The following VPS13B variants were observed in gnomAD, a reference collection of about 807,000 sequenced individuals.
The protein encoded by VPS13B is vacuolar protein sorting 13 homolog B.
In VPS13B, 285 loss-of-function variants were observed where a neutral mutation model predicts 426.4. That is an observed-to-expected ratio of 0.67 (90% confidence interval 0.61 to 0.74). The LOEUF (loss-of-function observed/expected upper bound fraction) is 0.74, where lower values mean the gene tolerates loss of function less well. VPS13B is among the 30% of genes least tolerant of loss of function. VPS13B has a pLI of 0.00. For synonymous variants in VPS13B, 1,676 were observed against 1,676.4 expected, an observed-to-expected ratio of 1.00 and a Z score of 0.01; for missense variants, 4,537 against 4,782.6, an observed-to-expected ratio of 0.95 and a Z score of 1.51.
At chr8:99,204,592 A>T (rs564362340) in intron 17 of VPS13B, among the ~76,000 whole-genome samples, 1 of 152,326 alleles carries the variant, frequency 6.6e-6, no homozygotes, top group South Asian at 2.1e-4. Context: ...ATGGGAGAAA[A>T]TTTTTGTAAT....
intron 19 of VPS13B, among the ~76,000 whole-genome samples, chr8:99,326,346 A>G (rs1810257365): frequency 1.3e-5 from 2 of 151,390 alleles, no homozygotes; most frequent in Admixed American, 1.3e-4. Context: ...AGCTTAAACA[A>G]TGTCCTCTTC....
chr8:99,442,881 CGT>C (rs746865630), intron 23 of VPS13B, among the ~76,000 whole-genome samples: 8 of 151,678 alleles, frequency 5.3e-5, no homozygotes, highest in Non-Finnish European at 1.2e-4. Context: ...AAAATGTAAA[CGT>C]AGGAAAAATT....
intron 39 of VPS13B, among the ~76,000 whole-genome samples, chr8:99,743,911 A>T (rs1302098642): frequency 6.6e-6 from 1 of 152,224 alleles, no homozygotes; most frequent in Non-Finnish European, 1.5e-5. Flanking sequence ...GGACATAGGC[A>T]TGGGCAAGGA....
intron 33 of VPS13B, among the ~76,000 whole-genome samples, chr8:99,588,000 A>G (rs1164179163): frequency 6.6e-6 from 1 of 151,692 alleles, no homozygotes; most frequent in Non-Finnish European, 1.5e-5. Flanking sequence ...ATTTTTGTAT[A>G]AGGTGTAAGG....
intron 39 of VPS13B, among the ~76,000 whole-genome samples, chr8:99,760,063 G>T (rs888541395): frequency 2.0e-5 from 3 of 151,466 alleles, no homozygotes; most frequent in African/African-American, 7.3e-5. Flanking sequence ...TTCAACCTCC[G>T]CCTCCCAGGT....
chr8:99,859,429 G>A lies in VPS13B; in HGVS notation c.10993G>A (p.Val3665Met), dbSNP rs151089043. 1.2e-5 allele frequency: 20 copies of A among 1,614,084 alleles called. No individual in the cohort carries two copies. In the African/African-American group the frequency reaches 1.3e-4, roughly 11 times the overall value. Reference protein sequence around the residue: ...EGLTRGPGAFVSGVSRGTTSF... With the variant: ...EGLTRGPGAFMSGVSRGTTSF... ...GCTGACCCGGGGCCCTGGAGCCTTCGTGAGTGGCGTCTCCAGAGGGACCAC... is the reference window on the plus strand; with the variant it reads ...GCTGACCCGGGGCCCTGGAGCCTTCATGAGTGGCGTCTCCAGAGGGACCAC... Residue 3665 changes from valine (V) to methionine (M), a missense_variant, in exon 57 of 62, where the codon GTG (valine) becomes ATG (methionine). Around this residue, in one of 2 missense-constraint regions of VPS13B, gnomAD observed 4,311 missense variants for 4,474.3 expected, o/e 0.96. Transcript: ENST00000357162.
At chr8:99,079,658 A>G (rs977043561) in intron 3 of VPS13B, among the ~76,000 whole-genome samples, 16 of 152,110 alleles carry the variant, frequency 1.1e-4, no homozygotes, top group African/African-American at 3.9e-4. Flanking sequence ...CCCTTAATAT[A>G]AAATTGTTTT....
intron 3 of VPS13B, among the ~76,000 whole-genome samples, chr8:99,077,716 T>C (rs1311052708): frequency 1.3e-5 from 2 of 152,162 alleles, no homozygotes; most frequent in Non-Finnish European, 2.9e-5. Context: ...GAGGACTTTT[T>C]CTGGTAGAAT....
intron 39 of VPS13B, among the ~76,000 whole-genome samples, chr8:99,743,331 A>T (rs1022590560): frequency 2.6e-4 from 40 of 152,138 alleles, no homozygotes; most frequent in Admixed American, 2.2e-3. Flanking sequence ...GAGGATACAA[A>T]CAAATGGAAG....
chr8:99,770,482 A>G (rs1811428373), intron 40 of VPS13B, among the ~76,000 whole-genome samples: 1 of 152,098 alleles, frequency 6.6e-6, no homozygotes, highest in Non-Finnish European at 1.5e-5. Context: ...GGCAACTCAG[A>G]CTGGGTGACT....
chr8:99,581,018 CACACACACACACAA>C (rs1404227100), intron 33 of VPS13B, among the ~76,000 whole-genome samples: 1 of 151,072 alleles, frequency 6.6e-6, no homozygotes, highest in Non-Finnish European at 1.5e-5. Context: ...CACACACACA[CACACACACACACAA>C]ATTAGGCAGG....
intron 16 of VPS13B, among the ~76,000 whole-genome samples, chr8:99,184,303 T>A (rs1360358180): frequency 6.6e-6 from 1 of 152,212 alleles, no homozygotes; most frequent in East Asian, 1.9e-4. Flanking sequence ...CAATCTGTTT[T>A]GCAATATGAT....
At chr8:99,770,026 G>A (rs376135485) in intron 40 of VPS13B, among the ~76,000 whole-genome samples, 2 of 152,092 alleles carry the variant, frequency 1.3e-5, no homozygotes, top group East Asian at 1.9e-4. Context: ...AAGCAAAACG[G>A]TGCATGCCTG....
chr8:99,871,268 G>C (rs1360272022), intron 60 of VPS13B, 180 bp from the exon 61 acceptor site: 1 of 944,044 alleles, frequency 1.1e-6, no homozygotes, highest in Non-Finnish European at 1.6e-6. Flanking sequence ...GGAGGAAGCA[G>C]GTTCTGTTAA....
chr8:99,496,252 T>C (rs1471590172), intron 25 of VPS13B, among the ~76,000 whole-genome samples: 1 of 152,222 alleles, frequency 6.6e-6, no homozygotes, highest in Non-Finnish European at 1.5e-5. Flanking sequence ...CAAATTTTTG[T>C]TGAGGTCAGT....
At chr8:99,619,703 C>A (rs900696832) in intron 33 of VPS13B, among the ~76,000 whole-genome samples, 1 of 152,036 alleles carries the variant, frequency 6.6e-6, no homozygotes, top group African/African-American at 2.4e-5. Context: ...GAAACCTTGT[C>A]TCTACAAAAA....
chr8:99,835,502 A>C, intron 53 of VPS13B, 37 bp from the exon 54 acceptor site: 1 of 1,600,732 alleles, frequency 6.2e-7, no homozygotes. Context: ...TCTGTCTTTA[A>C]GGGCTAATTC....
Position 99,875,977 on chromosome 8 carries a change from C to G in VPS13B, c.*311C>G, listed in dbSNP as rs1318502273. ...ACTTCAAAGTGACAAAAACGTGTTC[C>G]TTCCCCACTTAGAGACAATGATTAA... On this transcript the variant is annotated 3_prime_UTR_variant, in exon 62 of 62. Transcript: ENST00000357162. 1 of 391,864 alleles carries G rather than the reference C, an allele frequency of 2.6e-6. No homozygotes were observed. Among genetic ancestry groups the G allele is most frequent in the Non-Finnish European group, 4.7e-6 (1 of 210,760 alleles). The allele number at this position is 391,864 out of a possible 1,614,324, so 24.3% of individuals were successfully genotyped here. A position where few individuals can be genotyped will look rare whatever the true frequency, so the allele number is the denominator to read the frequency against.
chr8:99,149,973 A>G (rs1474558531), intron 14 of VPS13B, among the ~76,000 whole-genome samples: 1 of 152,200 alleles, frequency 6.6e-6, no homozygotes, highest in Non-Finnish European at 1.5e-5. Flanking sequence ...CAATGAAATT[A>G]ATCTCCGATG....
Sources: gnomAD v4.1 joint callset for allele counts (sites outside exome capture counted in the v4.1 genomes callset) on GRCh38, gnomAD v4.1.1 for gene constraint, gnomAD v4.1.1 regional missense constraint, MANE v1.5 for transcripts, NCBI Gene and HGNC (gene_info 2026-07-23, HGNC 2026-07-21) for gene names.